Variants in GRIP1 observed in about 807,000 individuals in gnomAD.
GRIP1 encodes the protein glutamate receptor interacting protein 1.
A neutral mutation model predicts 129.9 loss-of-function variants in GRIP1; 45 were observed. That is an observed-to-expected ratio of 0.35 (90% confidence interval 0.27 to 0.44). The LOEUF (loss-of-function observed/expected upper bound fraction) is 0.44, where lower values mean the gene tolerates loss of function less well. Among genes scored for constraint, GRIP1 ranks in the 20% least tolerant of loss-of-function variants. The probability of loss-of-function intolerance (pLI) is 1.00; values close to 1 mark genes in which losing one functional copy is unlikely to be tolerated. For missense variants in GRIP1, 1,196 were observed against 1,396.8 expected, an observed-to-expected ratio of 0.86 and a Z score of 2.29; for synonymous variants, 530 against 520.8, an observed-to-expected ratio of 1.02 and a Z score of -0.24.
At chr12:66,798,734 G>A (rs1238169641) in intron 1 of GRIP1, among the ~76,000 whole-genome samples, 1 of 152,080 alleles carries the variant, frequency 6.6e-6, no homozygotes, top group Non-Finnish European at 1.5e-5. Context: ...CAAATGACAG[G>A]TGACACAGAA....
chr12:66,369,407 G>A lies in GRIP1; in HGVS notation c.3012+2287C>T, dbSNP rs371795974. Reference sequence around the variant, plus strand: ...ACCTCAGCTATAACAACACTTGCACGTCCAATTCATTGTCATTATCTTTGC... The same window carrying A: ...ACCTCAGCTATAACAACACTTGCACATCCAATTCATTGTCATTATCTTTGC... On this transcript the variant is annotated intron_variant, in intron 23 of 24. Coordinates refer to ENST00000359742, the MANE Select transcript of GRIP1 (RefSeq NM_001366722.1). 6.7e-5 allele frequency among the ~76,000 whole-genome samples: 9 copies of A among 134,854 alleles called. No individual in the cohort carries two copies. The East Asian group carries it at 1.7e-3, about 26-fold the overall frequency. The allele number at this position is 134,854 out of a possible 152,430, so 88.5% of individuals were successfully genotyped here. A position where few individuals can be genotyped will look rare whatever the true frequency, so the allele number is the denominator to read the frequency against.
intron 1 of GRIP1, among the ~76,000 whole-genome samples, chr12:66,934,821 A>C (rs949609229): frequency 5.9e-5 from 9 of 152,234 alleles, no homozygotes; most frequent in Non-Finnish European, 1.2e-4. Context: ...AGACACAGTA[A>C]GCAACTGAAC....
chr12:66,818,974 C>T (rs1008438023), intron 1 of GRIP1, among the ~76,000 whole-genome samples: 2 of 152,194 alleles, frequency 1.3e-5, no homozygotes, highest in Non-Finnish European at 2.9e-5. Flanking sequence ...CAATTTAAAG[C>T]TTTAATAATT....
chr12:66,547,105 G>T (rs2061970812), intron 2 of GRIP1, among the ~76,000 whole-genome samples: 1 of 152,050 alleles, frequency 6.6e-6, no homozygotes. Context: ...ATGGGAAAAA[G>T]ACATGAAATA....
chr12:66,917,947 AACACACACACAC>A (rs58387290), intron 1 of GRIP1, among the ~76,000 whole-genome samples: 1 of 147,532 alleles, frequency 6.8e-6, no homozygotes, highest in African/African-American at 2.5e-5. Context: ...GAGATGTATA[AACACACACACAC>A]ACACACACAC....
At chr12:66,910,557 T>C (rs1053384893) in intron 1 of GRIP1, among the ~76,000 whole-genome samples, 4 of 152,046 alleles carry the variant, frequency 2.6e-5, no homozygotes, top group Non-Finnish European at 5.9e-5. Flanking sequence ...TAAGAACTTA[T>C]GAAGTTGGGT....
chr12:66,596,471 C>T (rs1592620765), intron 2 of GRIP1, among the ~76,000 whole-genome samples: 1 of 152,192 alleles, frequency 6.6e-6, no homozygotes, highest in Non-Finnish European at 1.5e-5. Flanking sequence ...CATACATGAT[C>T]TGTTGCGGCA....
At chr12:67,022,458 G>T (rs1283679623) in intron 1 of GRIP1, among the ~76,000 whole-genome samples, 34 of 152,036 alleles carry the variant, frequency 2.2e-4, no homozygotes, top group Admixed American at 2.2e-3. Context: ...ACCTATGAGT[G>T]GAATGGTTTG....
chr12:66,606,979 C>G (rs181975327), intron 1 of GRIP1, among the ~76,000 whole-genome samples: 2 of 151,134 alleles, frequency 1.3e-5, no homozygotes, highest in South Asian at 2.1e-4. Flanking sequence ...AAATTTGATT[C>G]ACATCCTTAC....
intron 1 of GRIP1, among the ~76,000 whole-genome samples, chr12:66,942,870 C>CA (rs2041609452): frequency 6.6e-6 from 1 of 152,154 alleles, no homozygotes; most frequent in African/African-American, 2.4e-5. Flanking sequence ...CAGCAGAAAG[C>CA]TTGCTACTTC....
intron 1 of GRIP1, among the ~76,000 whole-genome samples, chr12:66,616,574 C>T (rs2065046232): frequency 6.6e-6 from 1 of 152,028 alleles, no homozygotes; most frequent in Admixed American, 6.6e-5. Flanking sequence ...TTATGTATCT[C>T]TTTGTTTTTG....
chr12:67,066,337 T>C (rs891341275), intron 1 of GRIP1, among the ~76,000 whole-genome samples: 11 of 152,230 alleles, frequency 7.2e-5, no homozygotes, highest in Admixed American at 1.3e-4. Flanking sequence ...AAGGCTAAGA[T>C]ACATACTCCT....
chr12:66,903,776 C>CTATT (rs2040882672), intron 1 of GRIP1, among the ~76,000 whole-genome samples: 1 of 152,110 alleles, frequency 6.6e-6, no homozygotes, highest in South Asian at 2.1e-4. Context: ...TAACAATAGA[C>CTATT]AATAAAGATT....
At chr12:67,014,918 A>T (rs774400) in intron 1 of GRIP1, among the ~76,000 whole-genome samples, 13,365 of 152,228 alleles carry the variant, frequency 0.088, 1,363 homozygotes, top group African/African-American at 0.25. Context: ...TTTAAAAAGT[A>T]GAAAAATATT....
intron 1 of GRIP1, among the ~76,000 whole-genome samples, chr12:66,717,377 T>G (rs1177072508): frequency 4.3e-5 from 5 of 117,610 alleles, no homozygotes; most frequent in Non-Finnish European, 8.8e-5. Flanking sequence ...GAATTTTTGC[T>G]CACTGTAAAA....
At chr12:66,597,225 A>C (rs1005722312) in intron 1 of GRIP1, among the ~76,000 whole-genome samples, 2 of 152,256 alleles carry the variant, frequency 1.3e-5, no homozygotes, top group African/African-American at 4.8e-5. Flanking sequence ...ATGCAAATAT[A>C]GTATACAAAT....
upstream of GRIP1, among the ~76,000 whole-genome samples, chr12:66,805,572 T>C (rs1007562523): frequency 3.8e-4 from 58 of 152,316 alleles, 1 homozygote; most frequent in South Asian, 4.1e-4. Flanking sequence ...TCTTACTGAA[T>C]AAAGATAGTT....
intron 2 of GRIP1, among the ~76,000 whole-genome samples, chr12:66,587,312 A>C (rs183352044): frequency 2.0e-5 from 3 of 152,250 alleles, no homozygotes; most frequent in Non-Finnish European, 1.5e-5. Context: ...CAAAGTCACC[A>C]GCTCATGGAG....
chr12:66,554,258 G>T (rs1676682144), intron 2 of GRIP1, among the ~76,000 whole-genome samples: 3 of 152,188 alleles, frequency 2.0e-5, no homozygotes, highest in Admixed American at 2.0e-4. Context: ...AAGTTGGGAG[G>T]TGTAGCTTCT....
Sources: gnomAD v4.1 joint callset for allele counts (sites outside exome capture counted in the v4.1 genomes callset) on GRCh38, gnomAD v4.1.1 for gene constraint, MANE v1.5 for transcripts, NCBI Gene and HGNC (gene_info 2026-07-23, HGNC 2026-07-21) for gene names.